Variants in KIF6 observed in about 807,000 individuals in gnomAD.
KIF6 encodes the protein kinesin-like protein KIF6.
KIF6 carries 106 observed loss-of-function variants against 112.7 expected under a neutral mutation model. That is an observed-to-expected ratio of 0.94 (90% CI 0.80 to 1.11). The LOEUF is 1.11. Among genes scored for constraint, KIF6 ranks in the 50% least tolerant of loss-of-function variants. The pLI, the probability that KIF6 is intolerant of heterozygous loss-of-function variation, is 0.00. For missense variants in KIF6, 929 were observed against 964.0 expected (o/e 0.96, Z 0.48); for synonymous variants, 339 against 339.9 (o/e 1.00, Z 0.03).
intron 13 of KIF6, among the ~76,000 whole-genome samples, chr6:39,481,631 C>T (rs751692037): frequency 6.6e-6 from 1 of 152,174 alleles, no homozygotes; most frequent in African/African-American, 2.4e-5. Context: ...GCACCAAATT[C>T]AAACATCTCT....
chr6:39,708,123 T>C (rs1047583335), intron 3 of KIF6, among the ~76,000 whole-genome samples: 5 of 152,150 alleles, frequency 3.3e-5, no homozygotes, highest in Non-Finnish European at 7.4e-5. Flanking sequence ...CACGGCATTA[T>C]CAGCAAAGCC....
chr6:39,366,954 G>A (rs1038336837), intron 16 of KIF6, among the ~76,000 whole-genome samples: 10 of 151,982 alleles, frequency 6.6e-5, no homozygotes, highest in African/African-American at 9.7e-5. Context: ...TTAATGTGGA[G>A]GTGGCGCCAG....
chr6:39,523,391 C>G (rs888561686), intron 13 of KIF6, among the ~76,000 whole-genome samples: 1 of 151,948 alleles, frequency 6.6e-6, no homozygotes, highest in East Asian at 1.9e-4. Context: ...AAAGCCAGAA[C>G]GGCTCCCTAC....
intron 13 of KIF6, among the ~76,000 whole-genome samples, chr6:39,509,731 T>C (rs965626955): frequency 6.6e-6 from 1 of 152,132 alleles, no homozygotes; most frequent in Non-Finnish European, 1.5e-5. Context: ...TGGGACTATG[T>C]GAAAAGACCA....
chr6:39,470,424 G>C (rs1774051113), intron 13 of KIF6, among the ~76,000 whole-genome samples: 1 of 152,144 alleles, frequency 6.6e-6, no homozygotes, highest in Non-Finnish European at 1.5e-5. Context: ...ATTTTGGACT[G>C]GTCATAGCAG....
At chr6:39,687,487 T>A (rs144202378) in intron 3 of KIF6, among the ~76,000 whole-genome samples, 34 of 152,330 alleles carry the variant, frequency 2.2e-4, no homozygotes, top group African/African-American at 7.5e-4. Flanking sequence ...TTCTTATTCC[T>A]TAACATCAAA....
intron 6 of KIF6, among the ~76,000 whole-genome samples, chr6:39,610,501 T>A (rs1783156690): frequency 6.6e-6 from 1 of 152,336 alleles, no homozygotes; most frequent in South Asian, 2.1e-4. Context: ...GGGAACTTCG[T>A]TTTTTAAAAA....
intron 3 of KIF6, among the ~76,000 whole-genome samples, chr6:39,683,219 A>G (rs1787642125): frequency 6.6e-6 from 1 of 152,216 alleles, no homozygotes; most frequent in Admixed American, 6.5e-5. Context: ...CATTTTGGCT[A>G]GTGAATGGTG....
At position 39,702,355 on chromosome 6, in the gene KIF6, C is replaced by G. The variant is rs374662000; in HGVS notation, c.251+12337G>C. Among the ~76,000 whole-genome samples the G allele has an allele frequency of 5.8e-4, 89 of 152,272 alleles. No individual in the cohort carries two copies. In the East Asian group the frequency reaches 0.016, roughly 27 times the overall value. ...GACCTCCTATACCATAAGCAGGCAG[C>G]CTTTGTTTTGCTGCCCTTGACTCAG... On this transcript the variant is annotated intron_variant, in intron 3 of 22. Coordinates refer to ENST00000287152, the MANE Select transcript of KIF6 (RefSeq NM_145027.6).
At chr6:39,420,054 T>C in intron 14 of KIF6, 51 bp from the exon 15 acceptor site, 1 of 1,310,638 alleles carries the variant, frequency 7.6e-7, no homozygotes, top group Non-Finnish European at 1.1e-6. Context: ...TCCTACAAGA[T>C]GTTTTAAAAA....
chr6:39,508,717 A>C (rs919782531), intron 13 of KIF6, among the ~76,000 whole-genome samples: 3 of 152,148 alleles, frequency 2.0e-5, no homozygotes, highest in Non-Finnish European at 4.4e-5. Flanking sequence ...AGTGCAAACA[A>C]AGCGGCAGGG....
At chr6:39,685,077 A>G (rs1013664055) in intron 3 of KIF6, among the ~76,000 whole-genome samples, 1 of 152,182 alleles carries the variant, frequency 6.6e-6, no homozygotes, top group Non-Finnish European at 1.5e-5. Context: ...TTTGTGGAAA[A>G]GGGGAGCACA....
chr6:39,705,376 G>C (rs1789143761), intron 3 of KIF6, among the ~76,000 whole-genome samples: 1 of 152,202 alleles, frequency 6.6e-6, no homozygotes, highest in African/African-American at 2.4e-5. Context: ...TTTAGTCATT[G>C]AAAAGATCTC....
intron 6 of KIF6, among the ~76,000 whole-genome samples, chr6:39,607,889 C>T (rs956242087): frequency 4.6e-5 from 7 of 152,156 alleles, no homozygotes; most frequent in African/African-American, 1.7e-4. Flanking sequence ...GTCAGTATCC[C>T]TTTAATGATT....
intron 6 of KIF6, among the ~76,000 whole-genome samples, chr6:39,612,835 C>T (rs1303868563): frequency 6.6e-6 from 1 of 152,100 alleles, no homozygotes; most frequent in African/African-American, 2.4e-5. Context: ...GCAAAACTTC[C>T]TACAATTAAG....
intron 13 of KIF6, among the ~76,000 whole-genome samples, chr6:39,520,634 C>T (rs137918551): frequency 6.6e-5 from 10 of 152,270 alleles, no homozygotes; most frequent in South Asian, 2.1e-4. Context: ...GCAGTTAGAG[C>T]GGATGTGGTA....
rs777559399 is a variant in KIF6, at chr6:39,720,830, C to A, written c.67-19G>T. 6 of 1,045,676 alleles carry A rather than the reference C, an allele frequency of 5.7e-6. No individual in the cohort carries two copies. 64.8% of individuals were successfully genotyped at this position (1,045,676 alleles called of 1,614,324 possible). A position where few individuals can be genotyped will look rare whatever the true frequency, so the allele number is the denominator to read the frequency against. ...AATAAATCTGCAAATGTGAAGACAA[C>A]AAATGGATATAAAATGGTGAAATTA... On this transcript the variant is annotated intron_variant, in intron 1 of 22. Transcript: ENST00000287152.
At chr6:39,602,261 A>G (rs1016193636) in intron 6 of KIF6, among the ~76,000 whole-genome samples, 9 of 152,172 alleles carry the variant, frequency 5.9e-5, no homozygotes, top group African/African-American at 2.2e-4. Context: ...ACTTTCTTTT[A>G]TGGGGTGAAA....
intron 3 of KIF6, among the ~76,000 whole-genome samples, chr6:39,703,087 C>T (rs2987590): frequency 2.6e-5 from 2 of 76,540 alleles, no homozygotes; most frequent in African/African-American, 8.7e-5. Flanking sequence ...CCCCCACCCC[C>T]ACTCCCGGCC....
Sources: gnomAD v4.1 joint callset for allele counts (sites outside exome capture counted in the v4.1 genomes callset) on GRCh38, gnomAD v4.1.1 for gene constraint, MANE v1.5 for transcripts, NCBI Gene and HGNC (gene_info 2026-07-23, HGNC 2026-07-21) for gene names.